The following SETBP1 variants were observed in gnomAD, a reference collection of about 807,000 sequenced individuals.
SETBP1 encodes SET binding protein 1, also known as SET-binding protein.
Under a neutral mutation model 101.0 loss-of-function variants are expected in SETBP1, and 9 were observed. The ratio of observed to expected loss-of-function variants is 0.09; its 90% CI spans 0.05 to 0.16. The LOEUF (loss-of-function observed/expected upper bound fraction) is 0.16. SETBP1 is among the 10% of genes least tolerant of loss of function. The probability of loss-of-function intolerance (pLI) is 1.00; values close to 1 mark genes in which losing one functional copy is unlikely to be tolerated. For synonymous variants in SETBP1, 818 were observed against 788.5 expected, an observed-to-expected ratio of 1.04 and a Z score of -0.63; for missense variants, 1,858 against 2,033.8, an observed-to-expected ratio of 0.91 and a Z score of 1.66.
At chr18:44,773,465 GA>G (rs2070919032) in intron 2 of SETBP1, among the ~76,000 whole-genome samples, 1 of 152,220 alleles carries the variant, frequency 6.6e-6, no homozygotes, top group African/African-American at 2.4e-5. Flanking sequence ...TGACTCCAGA[GA>G]ACTGTGGGGT....
intron 3 of SETBP1, chr18:44,876,565 A>G: frequency 6.5e-7 from 1 of 1,549,194 alleles, no homozygotes; most frequent in Non-Finnish European, 8.7e-7. Context: ...CATTTTCTAG[A>G]TTAAAGACTC....
At chr18:44,686,374 C>A (rs1041920913) in intron 1 of SETBP1, among the ~76,000 whole-genome samples, 6 of 152,218 alleles carry the variant, frequency 3.9e-5, no homozygotes, top group African/African-American at 1.4e-4. Flanking sequence ...CATCTTCCTG[C>A]CTCCACACCT....
intron 3 of SETBP1, among the ~76,000 whole-genome samples, chr18:44,945,405 C>T (rs945084555): frequency 2.0e-5 from 3 of 152,214 alleles, no homozygotes; most frequent in Admixed American, 6.5e-5. Context: ...GAAGAACTTG[C>T]TTCCATGAAG....
intron 3 of SETBP1, among the ~76,000 whole-genome samples, chr18:44,891,212 C>T (rs1220199358): frequency 6.6e-6 from 1 of 152,046 alleles, no homozygotes; most frequent in African/African-American, 2.4e-5. Flanking sequence ...GGCCTGCCTC[C>T]ATGATTCAAT....
At chr18:45,011,669 A>G (rs369174058) in intron 4 of SETBP1, among the ~76,000 whole-genome samples, 2 of 152,204 alleles carry the variant, frequency 1.3e-5, no homozygotes, top group Admixed American at 6.5e-5. Flanking sequence ...AGAGCTATGC[A>G]TGTGAGTTCC....
Position 45,053,637 on chromosome 18 carries a change from C to T in SETBP1, c.4172-9442C>T, listed in dbSNP as rs370866183. 1.9e-3 allele frequency among the ~76,000 whole-genome samples: 294 copies of T among 152,290 alleles called. 2 individuals are homozygous for T. The highest frequency in any genetic ancestry group is 6.7e-3 in the African/African-American group (279 of 41,564). On this transcript the variant is annotated intron_variant, in intron 5 of 5. Transcript: ENST00000649279. ...AGGAAAAAAACAAAACAGAGATACT[C>T]ACCATTATATGTAATTCTTGAAGTT... is the stretch of plus-strand genomic sequence containing the variant.
chr18:45,000,067 G>T (rs541065962), intron 4 of SETBP1, among the ~76,000 whole-genome samples: 1 of 152,354 alleles, frequency 6.6e-6, no homozygotes, highest in East Asian at 1.9e-4. Context: ...TGGCACACCA[G>T]CCTGTCCTAG....
chr18:44,892,193 A>G (rs34722058), intron 3 of SETBP1, among the ~76,000 whole-genome samples: 109 of 152,302 alleles, frequency 7.2e-4, no homozygotes, highest in Non-Finnish European at 1.3e-3. Context: ...AAGGGCTGAA[A>G]GAGAAGTAAG....
intron 2 of SETBP1, among the ~76,000 whole-genome samples, chr18:44,798,222 T>A (rs2071524304): frequency 6.6e-6 from 1 of 152,112 alleles, no homozygotes; most frequent in African/African-American, 2.4e-5. Context: ...GTTGAGAACA[T>A]GTAGACTTTC....
At chr18:44,900,508 A>G (rs934432101) in intron 3 of SETBP1, among the ~76,000 whole-genome samples, 11 of 152,250 alleles carry the variant, frequency 7.2e-5, no homozygotes, top group Non-Finnish European at 1.3e-4. Flanking sequence ...ATAGTCTTAC[A>G]GAAAATTATT....
chr18:45,036,895 C>T (rs191378816), intron 4 of SETBP1, among the ~76,000 whole-genome samples: 137 of 152,278 alleles, frequency 9.0e-4, no homozygotes, highest in Middle Eastern at 6.8e-3. Context: ...GTTTAGTGTC[C>T]GGCTACCTGG....
At chr18:44,848,557 T>C (rs142327123) in intron 2 of SETBP1, among the ~76,000 whole-genome samples, 8 of 152,322 alleles carry the variant, frequency 5.3e-5, no homozygotes, top group African/African-American at 1.9e-4. Context: ...CACATTTTAA[T>C]TTCTCCTCTG....
intron 2 of SETBP1, among the ~76,000 whole-genome samples, chr18:44,771,750 C>A (rs1432773575): frequency 6.6e-6 from 1 of 152,136 alleles, no homozygotes; most frequent in East Asian, 1.9e-4. Context: ...GCCCTTTCCA[C>A]TCTTATCAAA....
intron 2 of SETBP1, among the ~76,000 whole-genome samples, chr18:44,725,680 G>C (rs1024005211): frequency 1.3e-5 from 2 of 152,030 alleles, no homozygotes; most frequent in African/African-American, 4.8e-5. Flanking sequence ...ACATCCTCCC[G>C]GTGCTATGTG....
intron 4 of SETBP1, among the ~76,000 whole-genome samples, chr18:45,007,432 T>C (rs1272864163): frequency 6.6e-6 from 1 of 152,080 alleles, no homozygotes; most frequent in African/African-American, 2.4e-5. Context: ...CTCACTTTGA[T>C]TATTATTCTC....
In SETBP1 at chr18:45,063,434, C is replaced by A; in HGVS notation, c.4527C>A (p.Ile1509=). ...GCCAAGACACCATCATGGCCACCAT[C>A]GAGGCGGTCATCCACATGGCCCGGG... ...AASQDTIMAT[I]EAVIHMAREA... is the part of the protein sequence containing the mutation. The change falls in exon 6 of 6, where the codon ATC becomes ATA. Residue 1509 remains isoleucine (I), a synonymous_variant. Coordinates refer to ENST00000649279, the MANE Select transcript of SETBP1 (RefSeq NM_015559.3). The A allele has an allele frequency of 4.7e-6, 7 of 1,504,042 alleles. No homozygotes were observed. Among genetic ancestry groups the A allele is most frequent in the East Asian group, 4.9e-5 (2 of 40,610 alleles). 93.2% of individuals were successfully genotyped at this position (1,504,042 alleles called of 1,614,324 possible). A position where few individuals can be genotyped will look rare whatever the true frequency, so the allele number is the denominator to read the frequency against.
chr18:44,734,306 G>A (rs1184075252), intron 2 of SETBP1, among the ~76,000 whole-genome samples: 1 of 152,158 alleles, frequency 6.6e-6, no homozygotes, highest in African/African-American at 2.4e-5. Context: ...CGTACTCTCT[G>A]CTAGTATTCG....
chr18:44,950,498 C>G lies in SETBP1; in HGVS notation c.1158C>G (p.Asn386Lys). 1 of 1,614,110 alleles carries G rather than the reference C, an allele frequency of 6.2e-7. No homozygotes were observed. Among genetic ancestry groups the G allele is most frequent in the Non-Finnish European group, 8.5e-7 (1 of 1,180,028 alleles). Residue 386 changes from asparagine to lysine, a missense_variant, in exon 4 of 6, where the codon AAC (asparagine) becomes AAG (lysine). Coordinates refer to ENST00000649279, the MANE Select transcript of SETBP1 (RefSeq NM_015559.3). ...AAGAGGCATCACCAGCCAGGCAGAACGTGAGTTCTGCCAGTAATCCTGAAA... is the reference window on the plus strand; with the variant it reads ...AAGAGGCATCACCAGCCAGGCAGAAGGTGAGTTCTGCCAGTAATCCTGAAA... ...SAQEASPARQ[N>K]VSSASNPEND...
intron 5 of SETBP1, among the ~76,000 whole-genome samples, chr18:45,048,835 G>A (rs1022857425): frequency 6.6e-6 from 1 of 150,632 alleles, no homozygotes; most frequent in Non-Finnish European, 1.5e-5. Flanking sequence ...AGCCGGGCGC[G>A]GTGGCGGGCG....
Sources: allele counts gnomAD v4.1 joint callset (sites outside exome capture counted in the v4.1 genomes callset), GRCh38; gene constraint gnomAD v4.1.1; transcripts MANE v1.5; gene names NCBI Gene and HGNC (gene_info 2026-07-23, HGNC 2026-07-21).